CSMD3: variants seen among roughly 807,000 people sequenced by gnomAD.
CSMD3 encodes CUB and sushi domain-containing protein 3.
In CSMD3, 177 loss-of-function variants were observed where a neutral mutation model predicts 435.2. The observed-to-expected ratio is 0.41, with a 90% CI of 0.36 to 0.46. The LOEUF is 0.46. Among genes scored for constraint, CSMD3 ranks in the 20% least tolerant of loss-of-function variants. CSMD3 has a pLI of 0.34. For missense variants in CSMD3, 4,265 were observed against 4,504.6 expected (o/e 0.95, Z 1.52); for synonymous variants, 1,656 against 1,520.5 (o/e 1.09, Z -2.07).
At chr8:112,348,742 C>T (rs983341765) in intron 40 of CSMD3, among the ~76,000 whole-genome samples, 3 of 151,912 alleles carry the variant, frequency 2.0e-5, no homozygotes, top group African/African-American at 7.3e-5. Context: ...ACTAAAAATA[C>T]AAAATTATAT....
intron 3 of CSMD3, among the ~76,000 whole-genome samples, chr8:113,273,890 T>C (rs977049049): frequency 4.6e-5 from 7 of 152,250 alleles, no homozygotes; most frequent in Admixed American, 3.3e-4. Context: ...AATGATGTTT[T>C]ATATTTTAAC....
chr8:112,759,562 T>G (rs2077784700), intron 13 of CSMD3, among the ~76,000 whole-genome samples: 1 of 152,116 alleles, frequency 6.6e-6, no homozygotes, highest in South Asian at 2.1e-4. Flanking sequence ...TGATTTGATC[T>G]TTGCTGGCAA....
chr8:112,797,549 T>A (rs1455791313), intron 13 of CSMD3, among the ~76,000 whole-genome samples: 1 of 151,886 alleles, frequency 6.6e-6, no homozygotes. Context: ...AATAGATATA[T>A]TTAATTTAGA....
chr8:113,252,907 A>C (rs1370263768), intron 3 of CSMD3, among the ~76,000 whole-genome samples: 1 of 152,132 alleles, frequency 6.6e-6, no homozygotes, highest in Non-Finnish European at 1.5e-5. Flanking sequence ...CTGAGAGGTA[A>C]ACAGACACTA....
intron 52 of CSMD3, among the ~76,000 whole-genome samples, chr8:112,303,316 G>A (rs564786863): frequency 1.3e-5 from 2 of 152,316 alleles, no homozygotes; most frequent in South Asian, 4.1e-4. Flanking sequence ...ACCACTTTGG[G>A]AGGTTGAGGA....
At chr8:112,770,482 A>T (rs918575311) in intron 13 of CSMD3, among the ~76,000 whole-genome samples, 56 of 151,938 alleles carry the variant, frequency 3.7e-4, no homozygotes, top group Non-Finnish European at 4.3e-4. Context: ...TGAGAAATAC[A>T]TTTCTTTTTT....
At position 112,287,092 on chromosome 8, in the gene CSMD3, A is replaced by G. The variant is rs1265762708; in HGVS notation, c.9303T>C (p.Ser3101=). ...SEERTCLANG[S]WTGRQPECKA... ...TGCACTCTGGCTGCCTTCCGGTCCA[A>G]CTGCCATTAGCTAAACATGTTCTTT... is the stretch of plus-strand genomic sequence containing the variant. Residue 3101 remains serine, a synonymous_variant, in exon 58 of 71, where the codon AGT becomes AGC. Transcript: ENST00000297405. 2.5e-6 allele frequency: 4 copies of G among 1,613,720 alleles called. No individual in the cohort carries two copies. Among genetic ancestry groups the G allele is most frequent in the Non-Finnish European group, 2.5e-6 (3 of 1,179,784 alleles).
At chr8:112,447,069 A>G (rs1412124343) in intron 32 of CSMD3, among the ~76,000 whole-genome samples, 3 of 152,150 alleles carry the variant, frequency 2.0e-5, no homozygotes, top group African/African-American at 7.2e-5. Flanking sequence ...CTCCCTACTG[A>G]TCATTTTAAA....
At chr8:113,080,624 A>G (rs143336097) in intron 5 of CSMD3, among the ~76,000 whole-genome samples, 206 of 152,270 alleles carry the variant, frequency 1.4e-3, no homozygotes, top group African/African-American at 4.7e-3. Flanking sequence ...GCACAATAAG[A>G]TTTTCTACTA....
At chr8:113,350,760 T>C (rs956810416) in intron 1 of CSMD3, among the ~76,000 whole-genome samples, 6 of 152,096 alleles carry the variant, frequency 3.9e-5, no homozygotes, top group Non-Finnish European at 7.4e-5. Context: ...CATTTTCCAT[T>C]AGTTAAGAAT....
chr8:113,156,502 A>C lies in CSMD3; in HGVS notation c.709+17220T>G, dbSNP rs537892173. Among the ~76,000 whole-genome samples the C allele has an allele frequency of 2.7e-3, 410 of 152,048 alleles. 1 individual carries two copies. The highest frequency in any genetic ancestry group is 4.6e-3 in the Non-Finnish European group (310 of 67,982). ...CCCCAATGCCTAGCATACTAAAAAA[A>C]AATTAATATATTGTTAGAAGTTCTT... is the stretch of plus-strand genomic sequence containing the variant. On this transcript the variant is annotated intron_variant, in intron 4 of 70. Coordinates refer to ENST00000297405, the MANE Select transcript of CSMD3 (RefSeq NM_198123.2).
chr8:112,269,927 A>G (rs1794717955), intron 59 of CSMD3, among the ~76,000 whole-genome samples: 1 of 152,138 alleles, frequency 6.6e-6, no homozygotes. Context: ...AAGATACAAT[A>G]TTTTACCCAC....
chr8:112,471,493 C>T (rs1046642060), intron 32 of CSMD3, among the ~76,000 whole-genome samples: 1 of 152,072 alleles, frequency 6.6e-6, no homozygotes, highest in Non-Finnish European at 1.5e-5. Context: ...CAAAAACAGA[C>T]ACTTTGCTAA....
chr8:112,953,197 T>C (rs1056454372), intron 8 of CSMD3, among the ~76,000 whole-genome samples: 2 of 151,482 alleles, frequency 1.3e-5, no homozygotes, highest in African/African-American at 4.8e-5. Context: ...CACAAAATAT[T>C]AGAAAAAAAT....
chr8:113,356,531 T>C (rs2094229471), intron 1 of CSMD3, among the ~76,000 whole-genome samples: 1 of 152,100 alleles, frequency 6.6e-6, no homozygotes, highest in Non-Finnish European at 1.5e-5. Flanking sequence ...TTCCAAGATT[T>C]CATGAGAGAA....
chr8:113,327,889 A>AG (rs2093994994), intron 1 of CSMD3, among the ~76,000 whole-genome samples: 1 of 152,162 alleles, frequency 6.6e-6, no homozygotes. Flanking sequence ...ACGTGCTCAC[A>AG]GGGGGCTTTG....
intron 3 of CSMD3, among the ~76,000 whole-genome samples, chr8:113,212,319 T>C (rs1193653394): frequency 6.6e-6 from 1 of 152,150 alleles, no homozygotes; most frequent in Non-Finnish European, 1.5e-5. Flanking sequence ...TATATTGATA[T>C]CTCTTCAGTA....
chr8:113,028,995 G>A (rs984388330), intron 5 of CSMD3, among the ~76,000 whole-genome samples: 7 of 151,694 alleles, frequency 4.6e-5, no homozygotes, highest in Non-Finnish European at 1.0e-4. Context: ...CATAGCTACA[G>A]AGAAGTCAAT....
intron 4 of CSMD3, among the ~76,000 whole-genome samples, chr8:113,149,647 TC>T (rs2091760009): frequency 6.6e-6 from 1 of 151,950 alleles, no homozygotes. Context: ...CATGGTGTAA[TC>T]CCAAAATTTA....
Sources: gnomAD v4.1 joint callset for allele counts (sites outside exome capture counted in the v4.1 genomes callset) on GRCh38, gnomAD v4.1.1 for gene constraint, MANE v1.5 for transcripts, NCBI Gene and HGNC (gene_info 2026-07-23, HGNC 2026-07-21) for gene names.